The following CLN6 variants were observed in gnomAD, a reference collection of about 807,000 sequenced individuals.
CLN6 encodes the protein ceroid-lipofuscinosis neuronal protein 6.
Under a neutral mutation model 33.3 loss-of-function variants are expected in CLN6, and 22 were observed. The ratio of observed to expected loss-of-function variants is 0.66; its 90% CI spans 0.47 to 0.94. CLN6 has a LOEUF of 0.94. CLN6 is among the 40% of genes least tolerant of loss of function. The probability of loss-of-function intolerance (pLI) is 0.00; values close to 1 mark genes in which losing one functional copy is unlikely to be tolerated. For missense variants in CLN6, 387 were observed against 417.1 expected, an observed-to-expected ratio of 0.93 and a Z score of 0.63; for synonymous variants, 201 against 174.6, an observed-to-expected ratio of 1.15 and a Z score of -1.19.
Position 68,221,332 on chromosome 15 carries a change from C to T in CLN6, c.84-2682G>A, listed in dbSNP as rs565858996. ...CTGCAACCTCCCTGCCTCGGGCTCC[C>T]GTGATTCTCCTGCCTCGGCCTGCCG... On this transcript the variant is annotated intron_variant, in intron 1 of 6. Transcript: ENST00000249806. Among the ~76,000 whole-genome samples the T allele has an allele frequency of 6.7e-3, 1,014 of 151,908 alleles. 6 individuals carry two copies. The highest frequency in any genetic ancestry group is 9.8e-3 in the Non-Finnish European group (668 of 67,954).
At position 68,224,052 on chromosome 15, in the gene CLN6, AAACAACAACAAC is replaced by A. The variant is rs146628174; in HGVS notation, c.84-5414_84-5403del. Reference sequence around the variant, plus strand: ...TAAGAGTGAAACTGTCTCAAAAAGAAAACAACAACAACAACAACAACAACAAAAAACAACTCT... The same window carrying A: ...TAAGAGTGAAACTGTCTCAAAAAGAAAACAACAACAACAAAAAACAACTCT... On this transcript the variant is annotated intron_variant, in intron 1 of 6. Transcript: ENST00000249806. Among the ~76,000 whole-genome samples, 217 of 151,310 alleles carry A rather than the reference AAACAACAACAAC, an allele frequency of 1.4e-3. 1 individual carries two copies. The highest frequency in any genetic ancestry group is 4.9e-3 in the African/African-American group (203 of 41,034).
chr15:68,234,398 A>T (rs1892198298), upstream of CLN6, among the ~76,000 whole-genome samples: 1 of 152,210 alleles, frequency 6.6e-6, no homozygotes, highest in African/African-American at 2.4e-5. The surrounding 1 kb of genome is among the most constrained non-coding windows in gnomAD (Gnocchi z 4.1). Flanking sequence ...GTGTACCGAT[A>T]TGGCTGCTCC....
rs147623032 is a variant in CLN6 at position 68,218,598 on chromosome 15, C to G, written c.136G>C (p.Asp46His). 1.2e-6 allele frequency: 2 copies of G among 1,613,880 alleles called. No individual in the cohort carries two copies. The highest frequency in any genetic ancestry group is 1.1e-5 in the South Asian group (1 of 91,018). Reference sequence around the variant, plus strand: ...TGCAGTGTGAAGTAGAACCAGAGGTCGAGGTGGAAGGGAGCCGTGCGGGCA... The same window carrying G: ...TGCAGTGTGAAGTAGAACCAGAGGTGGAGGTGGAAGGGAGCCGTGCGGGCA... ...EAARTAPFHL[D>H]LWFYFTLQNW... Residue 46 changes from aspartate to histidine, a missense_variant, in exon 2 of 7, where the codon GAC (aspartate) becomes CAC (histidine). Coordinates refer to ENST00000249806, the MANE Select transcript of CLN6 (RefSeq NM_017882.3).
In CLN6 at chr15:68,229,564, C is replaced by T. The variant is rs2093262736; in HGVS notation, c.21G>A (p.Arg7=). The T allele has an allele frequency of 8.2e-6, 12 of 1,467,298 alleles. No individual in the cohort carries two copies. The highest frequency in any genetic ancestry group is 3.0e-5 in the East Asian group (1 of 33,146). The allele number at this position is 1,467,298 out of a possible 1,614,324, so 90.9% of individuals were successfully genotyped here. A position where few individuals can be genotyped will look rare whatever the true frequency, so the allele number is the denominator to read the frequency against. Residue 7 remains arginine (R), a synonymous_variant, in exon 1 of 7, where the codon CGG becomes CGA. Transcript: ENST00000249806. The stretch of plus-strand genomic sequence containing the variant: ...GGCCGCCCGTCGCTCCCAGGTGCTG[C>T]CGCCTCCGCGTCGCCTCCATGGCTG... MEATRR[R]QHLGATGGPG...
In CLN6 at chr15:68,220,894, C is replaced by T. The variant is rs544230041; in HGVS notation, c.84-2244G>A. Among the ~76,000 whole-genome samples, 26 of 152,270 alleles carry T rather than the reference C, an allele frequency of 1.7e-4. No homozygotes were observed. The highest frequency in any genetic ancestry group is 2.4e-4 in the Non-Finnish European group (16 of 68,026). On this transcript the variant is annotated intron_variant, in intron 1 of 6. Transcript: ENST00000249806. The surrounding 1 kb of genome is among the most constrained non-coding windows in gnomAD (Gnocchi z 4.2). ...AGGCTGGAGTACAGTGGTGTGATCA[C>T]AGCTCACTGCAGCCTTGGCCTCCCA... is the stretch of plus-strand genomic sequence containing the variant.
rs148473458 is a variant in CLN6, at chr15:68,241,200, C to G, written c.179+15490G>C. Among the ~76,000 whole-genome samples, 86 of 152,262 alleles carry G rather than the reference C, an allele frequency of 5.6e-4. 2 individuals are homozygous for G. In the East Asian group the frequency reaches 0.013, roughly 22 times the overall value. On this transcript the variant is annotated intron_variant, in intron 1 of 6. Transcript: ENST00000538696. The surrounding 1 kb of genome is among the most constrained non-coding windows in gnomAD (Gnocchi z 4.2). Reference sequence around the variant, plus strand: ...CTGCATCAAGAAAGCCTGGAGACTTCCAGTCCAAAACTGGTGGTGTAGAAG... The same window carrying G: ...CTGCATCAAGAAAGCCTGGAGACTTGCAGTCCAAAACTGGTGGTGTAGAAG...
intron 1 of CLN6, among the ~76,000 whole-genome samples, chr15:68,251,635 A>G (rs568650268): frequency 2.4e-4 from 37 of 152,024 alleles, no homozygotes; most frequent in African/African-American, 8.9e-4. Context: ...AGATCGCCCC[A>G]CTGCACTCCA....
At position 68,208,747 on chromosome 15, in the gene CLN6, G is replaced by A. The variant is rs560578430; in HGVS notation, c.666-337C>T. On this transcript the variant is annotated intron_variant, in intron 6 of 6. Transcript: ENST00000249806. The surrounding 1 kb of genome is among the most constrained non-coding windows in gnomAD (Gnocchi z 5.8). ...GAAAGCAACAAACAATTGCCATTAC[G>A]ACGGCAGCCACCCCCGCGGCAGGAT... 6.6e-6 allele frequency among the ~76,000 whole-genome samples: 1 copy of A among 152,200 alleles called. No homozygotes were observed. Among genetic ancestry groups the A allele is most frequent in the Non-Finnish European group, 1.5e-5 (1 of 68,036 alleles).
rs1374374555 is a variant in CLN6, at chr15:68,236,065, G to T, written c.180-17415C>A. 6.6e-6 allele frequency among the ~76,000 whole-genome samples: 1 copy of T among 152,172 alleles called. No individual in the cohort carries two copies. The highest frequency in any genetic ancestry group is 1.5e-5 in the Non-Finnish European group (1 of 68,026). On this transcript the variant is annotated intron_variant, in intron 1 of 6. Transcript: ENST00000538696. This position sits in a 1 kb window ranked among gnomAD's most constrained non-coding sequence, Gnocchi z 4.5. ...GAAATGTTTAAATAAATAAAACATGGTATCACAGGAAAAAGCAAGGGATGA... is the reference window on the plus strand; with the variant it reads ...GAAATGTTTAAATAAATAAAACATGTTATCACAGGAAAAAGCAAGGGATGA...
At chr15:68,244,795 G>A (rs1432266091) in intron 1 of CLN6, among the ~76,000 whole-genome samples, 1 of 152,076 alleles carries the variant, frequency 6.6e-6, no homozygotes, top group Non-Finnish European at 1.5e-5. Flanking sequence ...AGGCACAGTG[G>A]TTCATGCCAG....
chr15:68,214,655 G>C (rs1450092624), intron 2 of CLN6: 1 of 438,164 alleles, frequency 2.3e-6, no homozygotes, highest in Non-Finnish European at 4.3e-6. Context: ...GCCTGACCCT[G>C]TGCCCCTCAC....
At chr15:68,238,545 C>T (rs1227982650) in intron 1 of CLN6, among the ~76,000 whole-genome samples, 1 of 152,056 alleles carries the variant, frequency 6.6e-6, no homozygotes, top group Non-Finnish European at 1.5e-5. Flanking sequence ...GTGGCAGCAA[C>T]AGTGAATTTA....
At position 68,244,327 on chromosome 15, in the gene CLN6, A is replaced by T. The variant is rs556775438; in HGVS notation, c.179+12363T>A. On this transcript the variant is annotated intron_variant, in intron 1 of 6. Transcript: ENST00000538696. ...AAGCAGCAATATAAAATAAGCAAAT[A>T]ACACATAAGGGGATTCCAGTTCATC... Among the ~76,000 whole-genome samples, 417 of 151,860 alleles carry T rather than the reference A, an allele frequency of 2.7e-3. 4 individuals are homozygous for T. The highest frequency in any genetic ancestry group is 9.6e-3 in the African/African-American group (396 of 41,166).
chr15:68,210,203 C>G lies in CLN6; in HGVS notation c.543-444G>C, dbSNP rs2093200811. ...AAGCACTGCACCCACTCTCAGCACA[C>G]AGCCCCACCCCCACCTCAGACACCT... On this transcript the variant is annotated intron_variant, in intron 5 of 6. Transcript: ENST00000249806. This position sits in a 1 kb window ranked among gnomAD's most constrained non-coding sequence, Gnocchi z 5.6. Among the ~76,000 whole-genome samples, 1 of 152,082 alleles carries G rather than the reference C, an allele frequency of 6.6e-6. No individual in the cohort carries two copies. Among genetic ancestry groups the G allele is most frequent in the African/African-American group, 2.4e-5 (1 of 41,386 alleles).
At position 68,208,103 on chromosome 15, in the gene CLN6, C is replaced by T; in HGVS notation, c.*37G>A. The stretch of plus-strand genomic sequence containing the variant: ...TCAGATGCCCTCCATGGCCCACCCT[C>T]CCACCCAGCAGAGCGCCAGAGCCTG... On this transcript the variant is annotated 3_prime_UTR_variant, in exon 7 of 7. Transcript: ENST00000249806. This position sits in a 1 kb window ranked among gnomAD's most constrained non-coding sequence, Gnocchi z 5.8. 6.6e-7 allele frequency: 1 copy of T among 1,518,184 alleles called. No homozygotes were observed. Among genetic ancestry groups the T allele is most frequent in the Non-Finnish European group, 9.0e-7 (1 of 1,109,276 alleles). 94.0% of individuals were successfully genotyped at this position (1,518,184 alleles called of 1,614,324 possible).
At chr15:68,239,836 T>C (rs909547198) in intron 1 of CLN6, among the ~76,000 whole-genome samples, 4 of 152,134 alleles carry the variant, frequency 2.6e-5, no homozygotes, top group Admixed American at 6.5e-5. Context: ...ATTGACCATA[T>C]AAAAGGCCAT....
At chr15:68,229,283 G>A (rs1238258876) in intron 1 of CLN6, among the ~76,000 whole-genome samples, 2 of 152,212 alleles carry the variant, frequency 1.3e-5, no homozygotes, top group Admixed American at 6.5e-5. Context: ...AAGCGGGGAG[G>A]CCGAGCCCCG....
Position 68,227,676 on chromosome 15 carries a change from G to T in CLN6, c.83+1826C>A, listed in dbSNP as rs777989445. ...AAGTGGAGTCGTAAGAGCAGAGCCC[G>T]TAAGTCAGAAACCCTGGGTTTAGGC... On this transcript the variant is annotated intron_variant, in intron 1 of 6. Coordinates refer to ENST00000249806, the MANE Select transcript of CLN6 (RefSeq NM_017882.3). The surrounding 1 kb of genome is among the most constrained non-coding windows in gnomAD (Gnocchi z 4.1). 6.6e-6 allele frequency among the ~76,000 whole-genome samples: 1 copy of T among 152,312 alleles called. No homozygotes were observed. The highest frequency in any genetic ancestry group is 2.1e-4 in the South Asian group (1 of 4,826).
At position 68,208,114 on chromosome 15, in the gene CLN6, G is replaced by A. The variant is rs747282966; in HGVS notation, c.*26C>T. 1.6e-6 allele frequency: 1 copy of A among 629,600 alleles called. No homozygotes were observed. The highest frequency in any genetic ancestry group is 1.4e-5 in the South Asian group (1 of 71,648). The allele number at this position is 629,600 out of a possible 1,614,324, so 39.0% of individuals were successfully genotyped here. A position where few individuals can be genotyped will look rare whatever the true frequency, so the allele number is the denominator to read the frequency against. On this transcript the variant is annotated 3_prime_UTR_variant, in exon 7 of 7. Transcript: ENST00000249806. This position sits in a 1 kb window ranked among gnomAD's most constrained non-coding sequence, Gnocchi z 5.8. Reference sequence around the variant, plus strand: ...CCATGGCCCACCCTCCCACCCAGCAGAGCGCCAGAGCCTGGTGCCAGGGAC... The same window carrying A: ...CCATGGCCCACCCTCCCACCCAGCAAAGCGCCAGAGCCTGGTGCCAGGGAC...
Sources: allele counts gnomAD v4.1 joint callset (sites outside exome capture counted in the v4.1 genomes callset), GRCh38; gene constraint gnomAD v4.1.1; non-coding constraint Gnocchi (gnomAD v3.1); transcripts MANE v1.5; gene names NCBI Gene and HGNC (gene_info 2026-07-23, HGNC 2026-07-21).